Variants in MTG2 observed in about 807,000 individuals in gnomAD.
The protein encoded by MTG2 is mitochondrial ribosome associated GTPase 2.
In MTG2, 23 loss-of-function variants were observed where a neutral mutation model predicts 28.6. The observed-to-expected ratio is 0.80, with a 90% CI of 0.58 to 1.14. The LOEUF (loss-of-function observed/expected upper bound fraction) is 1.14. MTG2 is among the 50% of genes most tolerant of loss of function. MTG2 has a pLI of 0.00. For synonymous variants in MTG2, 260 were observed against 251.8 expected, an observed-to-expected ratio of 1.03 and a Z score of -0.31; for missense variants, 539 against 552.0, an observed-to-expected ratio of 0.98 and a Z score of 0.24.
chr20:62,183,625 C>T (rs2057770335), intron 1 of MTG2, among the ~76,000 whole-genome samples: 1 of 152,158 alleles, frequency 6.6e-6, no homozygotes, highest in African/African-American at 2.4e-5. Flanking sequence ...CCGTTCTATT[C>T]CCATTTACGT....
intron 1 of MTG2, among the ~76,000 whole-genome samples, chr20:62,188,567 G>A (rs558446705): frequency 1.8e-4 from 23 of 124,836 alleles, no homozygotes; most frequent in African/African-American, 6.6e-4. Context: ...TGCCCAGGCT[G>A]TTCTCAAATT....
At chr20:62,184,480 A>T (rs1238934931) in intron 1 of MTG2, among the ~76,000 whole-genome samples, 1 of 152,232 alleles carries the variant, frequency 6.6e-6, no homozygotes, top group African/African-American at 2.4e-5. Context: ...TTTAGCCTGG[A>T]ACTGGTGGCA....
intron 1 of MTG2, among the ~76,000 whole-genome samples, chr20:62,192,708 A>G (rs989468061): frequency 6.6e-6 from 1 of 152,082 alleles, no homozygotes; most frequent in Non-Finnish European, 1.5e-5. Context: ...GGGAAGTCCA[A>G]GGGATTTAGG....
At chr20:62,193,875 C>A (rs1309851444) in intron 2 of MTG2, 6 of 505,130 alleles carry the variant, frequency 1.2e-5, no homozygotes, top group Admixed American at 7.4e-5. Context: ...TGCTCATTTT[C>A]CCATGAGCCT....
At chr20:62,185,917 G>A (rs74457491) in intron 1 of MTG2, among the ~76,000 whole-genome samples, 1,773 of 152,224 alleles carry the variant, frequency 0.012, 38 homozygotes, top group African/African-American at 0.041. Flanking sequence ...AGCACTCAGC[G>A]GGCCTCCAAA....
intron 4 of MTG2, 88 bp from the exon 5 acceptor site, chr20:62,198,546 T>G (rs2058101539): frequency 1.0e-5 from 14 of 1,403,734 alleles, no homozygotes; most frequent in Non-Finnish European, 1.4e-5. Context: ...CTTGTCTTCT[T>G]TCCTTAGCGC....
At chr20:62,184,847 C>T (rs1392529059) in intron 1 of MTG2, among the ~76,000 whole-genome samples, 3 of 152,106 alleles carry the variant, frequency 2.0e-5, no homozygotes, top group Non-Finnish European at 4.4e-5. Flanking sequence ...TGGTGGCTCG[C>T]GCCTGTAATC....
In MTG2 at chr20:62,198,008, C is replaced by G. The variant is rs745660511; in HGVS notation, c.468+41C>G. The G allele has an allele frequency of 3.2e-6, 5 of 1,573,548 alleles. No homozygotes were observed. The Admixed American group carries it at 5.0e-5, about 16-fold the overall frequency. On this transcript the variant is annotated intron_variant, in intron 4 of 6. Transcript: ENST00000370823. Reference sequence around the variant, plus strand: ...CGGACCTGGCCCTGTCCCCGTTGTTCTGGATCATCCAGCTCCTGGGGGCCA... The same window carrying G: ...CGGACCTGGCCCTGTCCCCGTTGTTGTGGATCATCCAGCTCCTGGGGGCCA...
chr20:62,185,762 C>A (rs986922186), intron 1 of MTG2, among the ~76,000 whole-genome samples: 5 of 152,160 alleles, frequency 3.3e-5, no homozygotes, highest in Non-Finnish European at 7.3e-5. Flanking sequence ...TTTTACATTT[C>A]AGTTAATTTT....
intron 1 of MTG2, among the ~76,000 whole-genome samples, chr20:62,189,473 C>G (rs1294920714): frequency 2.6e-5 from 4 of 151,988 alleles, no homozygotes; most frequent in African/African-American, 9.7e-5. Context: ...CCATGCCCAG[C>G]TAATTCCTTT....
Position 62,197,966 on chromosome 20 carries a change from G to C in MTG2, c.467G>C (p.Arg156Pro). 6.2e-7 allele frequency: 1 copy of C among 1,613,126 alleles called. No homozygotes were observed. Among genetic ancestry groups the C allele is most frequent in the Non-Finnish European group, 8.5e-7 (1 of 1,179,230 alleles). The change falls in exon 4 of 7, where the codon CGG becomes CCG. Residue 156 changes from arginine (R) to proline (P), a missense_variant and splice_region_variant. By Grantham distance (103) the Arg-to-Pro change is moderately radical. Transcript: ENST00000370823. The part of the protein sequence containing the change: ...FGRSGAVLYI[R>P]VPVGTLVKEG... ...CGCAGTGGCGCCGTCCTCTACATCC[G>C]GGTGAGCCGAGACTGCCGGACCTGG... is the stretch of plus-strand genomic sequence containing the variant.
intron 4 of MTG2, chr20:62,198,217 T>C: frequency 3.7e-6 from 2 of 542,514 alleles, no homozygotes; most frequent in Non-Finnish European, 6.6e-6. Flanking sequence ...GATTCTCTTT[T>C]AAAAAGAGGG....
At chr20:62,191,635 G>A (rs1291395327) in intron 1 of MTG2, among the ~76,000 whole-genome samples, 1 of 152,204 alleles carries the variant, frequency 6.6e-6, no homozygotes, top group Non-Finnish European at 1.5e-5. Flanking sequence ...GAGGCAGGCG[G>A]TGTCCCCTCG....
At chr20:62,199,016 C>G (rs1162726596) in intron 5 of MTG2, 103 bp from the exon 6 acceptor site, 1 of 1,569,732 alleles carries the variant, frequency 6.4e-7, no homozygotes, top group African/African-American at 1.3e-5. Context: ...CCTTGTGACT[C>G]CCCCAGCCCT....
At position 62,200,734 on chromosome 20, in the gene MTG2, G is replaced by T; in HGVS notation, c.878G>T (p.Gly293Val). The stretch of plus-strand genomic sequence containing the variant: ...GGCGCCCACCAGAACAGGGGTCTGG[G>T]GTCCGCCTTCCTCAGGCACATCGAG... The part of the protein sequence containing the change: ...IRGAHQNRGL[G>V]SAFLRHIERC... Residue 293 changes from glycine (G) to valine (V), a missense_variant, in exon 7 of 7, where the codon GGG becomes GTG. Gly to Val is a moderately radical substitution (Grantham distance 109). Transcript: ENST00000370823. The T allele has an allele frequency of 1.9e-6, 3 of 1,613,338 alleles. No homozygotes were observed. Among genetic ancestry groups the T allele is most frequent in the Non-Finnish European group, 2.5e-6 (3 of 1,180,024 alleles).
chr20:62,195,865 A>G lies in MTG2; in HGVS notation c.268A>G (p.Ser90Gly), dbSNP rs756465238. 47 of 1,614,076 alleles carry G rather than the reference A, an allele frequency of 2.9e-5. No individual in the cohort carries two copies. In the South Asian group the frequency reaches 4.9e-4, roughly 17 times the overall value. Residue 90 changes from serine (S) to glycine (G), a missense_variant, in exon 3 of 7, where the codon AGC becomes GGC. Physicochemically the swap from Ser to Gly is moderately conservative, Grantham distance 56. Coordinates refer to ENST00000370823, the MANE Select transcript of MTG2 (RefSeq NM_015666.4). ...VCGGNGGAGA[S>G]CFHSEPRKEF... ...TGGAGGAAACGGAGGCGCTGGGGCA[A>G]GCTGCTTCCACAGTGAGCCCCGCAA... is the stretch of plus-strand genomic sequence containing the variant.
At chr20:62,186,293 T>C (rs2145826491) in intron 1 of MTG2, among the ~76,000 whole-genome samples, 1 of 152,326 alleles carries the variant, frequency 6.6e-6, no homozygotes, top group African/African-American at 2.4e-5. Context: ...AATGAGTTAA[T>C]CCCTGAAAAA....
In MTG2 at chr20:62,202,081, G is replaced by A. The variant is rs1484988326; in HGVS notation, c.*1004G>A. 1 of 152,350 alleles carries A rather than the reference G, an allele frequency of 6.6e-6. No individual in the cohort carries two copies. The highest frequency in any genetic ancestry group is 1.9e-4 in the East Asian group (1 of 5,196). 9.4% of individuals were successfully genotyped at this position (152,350 alleles called of 1,614,324 possible). On this transcript the variant is annotated 3_prime_UTR_variant, in exon 7 of 7. Transcript: ENST00000370823. ...GCCCCTCAGTGGGATGGCAGCTGAG[G>A]GGGCCCTGCATTTGACCGTCGAGAC... is the stretch of plus-strand genomic sequence containing the variant.
At position 62,201,254 on chromosome 20, in the gene MTG2, T is replaced by G. The variant is rs2184159; in HGVS notation, c.*177T>G. On this transcript the variant is annotated 3_prime_UTR_variant, in exon 7 of 7. Coordinates refer to ENST00000370823, the MANE Select transcript of MTG2 (RefSeq NM_015666.4). The stretch of plus-strand genomic sequence containing the variant: ...ATGTTGGGAAGCATTCCGTGCCCCC[T>G]ACCCCGCCTGCCCTCCGTATTTCCT... The G allele has an allele frequency of 1.4e-6, 1 of 734,560 alleles. No homozygotes were observed. Among genetic ancestry groups the G allele is most frequent in the Non-Finnish European group, 2.2e-6 (1 of 463,582 alleles). 45.5% of individuals were successfully genotyped at this position (734,560 alleles called of 1,614,324 possible). A position where few individuals can be genotyped will look rare whatever the true frequency, so the allele number is the denominator to read the frequency against.
Sources: gnomAD v4.1 joint callset for allele counts (sites outside exome capture counted in the v4.1 genomes callset) on GRCh38, gnomAD v4.1.1 for gene constraint, MANE v1.5 for transcripts, NCBI Gene and HGNC (gene_info 2026-07-23, HGNC 2026-07-21) for gene names.